Variants in CENPW observed in about 807,000 individuals in gnomAD.
CENPW encodes centromere protein W.
A neutral mutation model predicts 11.1 loss-of-function variants in CENPW; 3 were observed. That is an observed-to-expected ratio of 0.27 (90% CI 0.12 to 0.70). The LOEUF (loss-of-function observed/expected upper bound fraction) is 0.70, where lower values mean the gene tolerates loss of function less well. CENPW is among the 30% of genes least tolerant of loss of function. CENPW has a pLI of 0.77. For missense variants in CENPW, 100 were observed against 105.6 expected (o/e 0.95, Z 0.23); for synonymous variants, 38 against 42.0 (o/e 0.91, Z 0.37).
the CENPW span, among the ~76,000 whole-genome samples, chr6:126,406,206 G>A: frequency 1.3e-5 from 2 of 152,098 alleles, no homozygotes; most frequent in Non-Finnish European, 1.5e-5. Flanking sequence ...TCTATTGAGA[G>A]GATTATATGG....
chr6:126,348,255 T>C (rs1780445510), intron 2 of CENPW, among the ~76,000 whole-genome samples: 1 of 152,024 alleles, frequency 6.6e-6, no homozygotes. Context: ...ATGTTTCATA[T>C]TCATTGAGAT....
chr6:126,387,645 G>T, the CENPW span, among the ~76,000 whole-genome samples: 8 of 152,062 alleles, frequency 5.3e-5, no homozygotes, highest in East Asian at 1.5e-3. Context: ...TCAGCAAGGG[G>T]TTAAGTGTCT....
chr6:126,396,040 T>C, the CENPW span, among the ~76,000 whole-genome samples: 3 of 152,126 alleles, frequency 2.0e-5, no homozygotes, highest in Non-Finnish European at 2.9e-5. Flanking sequence ...ACTAACTGGC[T>C]ACTGCTTTTG....
At chr6:126,416,447 G>C in the CENPW span, among the ~76,000 whole-genome samples, 2 of 152,126 alleles carry the variant, frequency 1.3e-5, no homozygotes, top group African/African-American at 4.8e-5. Flanking sequence ...CGTAATTAAC[G>C]AGCCAAATGT....
chr6:126,477,259 T>C, the CENPW span, among the ~76,000 whole-genome samples: 1 of 151,990 alleles, frequency 6.6e-6, no homozygotes, highest in Non-Finnish European at 1.5e-5. Flanking sequence ...CCTAATAGTA[T>C]CACTGATAGG....
the CENPW span, among the ~76,000 whole-genome samples, chr6:126,449,750 T>C: frequency 6.6e-6 from 1 of 151,126 alleles, no homozygotes; most frequent in Non-Finnish European, 1.5e-5. Flanking sequence ...AATAATTTCC[T>C]ATCCATCAAG....
chr6:126,385,176 A>T, the CENPW span, among the ~76,000 whole-genome samples: 4 of 152,162 alleles, frequency 2.6e-5, no homozygotes, highest in African/African-American at 4.8e-5. Flanking sequence ...AATTAGTTTA[A>T]CCATTGTGGA....
the CENPW span, among the ~76,000 whole-genome samples, chr6:126,441,308 G>T: frequency 1.3e-5 from 2 of 151,456 alleles, no homozygotes; most frequent in African/African-American, 2.4e-5. Context: ...AGAAATTTGG[G>T]CATTTTCCTT....
At chr6:126,378,160 G>A in the CENPW span, among the ~76,000 whole-genome samples, 1 of 152,166 alleles carries the variant, frequency 6.6e-6, no homozygotes, top group Admixed American at 6.5e-5. Flanking sequence ...TCCAATTGTT[G>A]ACCTTGCTAG....
downstream of CENPW, among the ~76,000 whole-genome samples, chr6:126,353,649 G>A (rs905356864): frequency 1.3e-5 from 2 of 151,692 alleles, no homozygotes; most frequent in African/African-American, 4.8e-5. Flanking sequence ...GGAGATTCTT[G>A]GCCATTCTCT....
chr6:126,386,812 T>C, the CENPW span, among the ~76,000 whole-genome samples: 8 of 151,964 alleles, frequency 5.3e-5, no homozygotes, highest in African/African-American at 1.7e-4. Flanking sequence ...AGTCTAATTA[T>C]AGTAAATATA....
the CENPW span, among the ~76,000 whole-genome samples, chr6:126,406,987 T>A: frequency 6.6e-6 from 1 of 152,124 alleles, no homozygotes; most frequent in Admixed American, 6.6e-5. Flanking sequence ...GGTTGTTACA[T>A]AGGTAAATGT....
chr6:126,471,299 C>T, the CENPW span, among the ~76,000 whole-genome samples: 1 of 151,918 alleles, frequency 6.6e-6, no homozygotes, highest in Non-Finnish European at 1.5e-5. Context: ...CCTGCATGCA[C>T]TCTCTCTCTC....
At chr6:126,416,418 AG>A in the CENPW span, among the ~76,000 whole-genome samples, 1 of 152,226 alleles carries the variant, frequency 6.6e-6, no homozygotes, top group Non-Finnish European at 1.5e-5. Context: ...GAGAAAGTCA[AG>A]CTGGCCGCAG....
Position 126,340,536 on chromosome 6 carries a change from A to G in CENPW, c.126+137A>G, listed in dbSNP as rs1211979944. 5 of 1,268,844 alleles carry G rather than the reference A, an allele frequency of 3.9e-6. No homozygotes were observed. The Admixed American group carries it at 8.3e-5, about 21-fold the overall frequency. 78.6% of individuals were successfully genotyped at this position (1,268,844 alleles called of 1,614,324 possible). On this transcript the variant is annotated intron_variant, in intron 1 of 2. Coordinates refer to ENST00000368328, the MANE Select transcript of CENPW (RefSeq NM_001012507.4). ...TGTTTAAGGCAGTTCCAACAATGAC[A>G]GGGAACGTATGCCCCACCCTGGCAT...
chr6:126,432,857 G>T, the CENPW span, among the ~76,000 whole-genome samples: 23 of 152,234 alleles, frequency 1.5e-4, no homozygotes, highest in Non-Finnish European at 2.4e-4. Context: ...CCTAAACATA[G>T]TTCAAACTTC....
the CENPW span, among the ~76,000 whole-genome samples, chr6:126,462,516 T>G: frequency 6.8e-6 from 1 of 146,764 alleles, no homozygotes; most frequent in Admixed American, 6.8e-5. Flanking sequence ...TCTTTCTCTC[T>G]CTCTCTCTCT....
the CENPW span, among the ~76,000 whole-genome samples, chr6:126,366,470 T>G: frequency 2.6e-5 from 4 of 152,232 alleles, no homozygotes; most frequent in Non-Finnish European, 5.9e-5. Context: ...ATGTACATTT[T>G]TGTCAGTTTA....
At chr6:126,431,590 GTTA>G in the CENPW span, among the ~76,000 whole-genome samples, 4 of 152,098 alleles carry the variant, frequency 2.6e-5, no homozygotes, top group African/African-American at 9.7e-5. Flanking sequence ...CAAACAATCC[GTTA>G]TTATGAAATT....
Sources: gnomAD v4.1 joint callset for allele counts (sites outside exome capture counted in the v4.1 genomes callset) on GRCh38, gnomAD v4.1.1 for gene constraint, MANE v1.5 for transcripts, NCBI Gene and HGNC (gene_info 2026-07-23, HGNC 2026-07-21) for gene names.